The following IL1RAPL2 variants were observed in gnomAD, a reference collection of about 807,000 sequenced individuals.
The protein encoded by IL1RAPL2 is interleukin 1 receptor accessory protein like 2, also known as X-linked interleukin-1 receptor accessory protein-like 2.
IL1RAPL2 carries 3 observed loss-of-function variants against 44.1 expected under a neutral mutation model. The ratio of observed to expected loss-of-function variants is 0.07; its 90% CI spans 0.03 to 0.18. The LOEUF (loss-of-function observed/expected upper bound fraction) is 0.18. Ranked by LOEUF, IL1RAPL2 falls within the 10% of genes least tolerant of loss-of-function variation. IL1RAPL2 has a pLI of 1.00. For missense variants in IL1RAPL2, 391 were observed against 496.4 expected (o/e 0.79, Z 2.02); for synonymous variants, 181 against 178.8 (o/e 1.01, Z -0.10).
At chrX:105,343,719 A>G (rs1446504733) in intron 5 of IL1RAPL2, among the ~76,000 whole-genome samples, 1 of 111,947 alleles carries the variant, frequency 8.9e-6, no homozygotes, top group Non-Finnish European at 1.9e-5. Flanking sequence ...GAATTATATT[A>G]CAGTTTGATT....
chrX:105,321,307 G>T (rs976356093), intron 5 of IL1RAPL2, among the ~76,000 whole-genome samples: 1 of 111,578 alleles, frequency 9.0e-6, no homozygotes, highest in African/African-American at 3.3e-5. Context: ...AAATTTACTG[G>T]CCTAGGATCA....
At chrX:105,748,681 A>G (rs1003951810) in intron 8 of IL1RAPL2, among the ~76,000 whole-genome samples, 1 of 112,409 alleles carries the variant, frequency 8.9e-6, no homozygotes, top group African/African-American at 3.2e-5. Context: ...GAGCAAAAGC[A>G]TATATGTGAC....
At chrX:104,893,213 A>G (rs185028392) in intron 2 of IL1RAPL2, among the ~76,000 whole-genome samples, 9 of 111,835 alleles carry the variant, frequency 8.0e-5, no homozygotes, top group Non-Finnish European at 1.3e-4. Flanking sequence ...AGTTCCAACT[A>G]TTTGGTCAAT....
intron 6 of IL1RAPL2, among the ~76,000 whole-genome samples, chrX:105,537,186 A>G (rs942273224): frequency 4.5e-5 from 5 of 111,776 alleles, no homozygotes; most frequent in Non-Finnish European, 9.4e-5. Flanking sequence ...CTCTCATATG[A>G]TTTTATTTGG....
At chrX:105,333,652 T>A (rs150846053) in intron 5 of IL1RAPL2, among the ~76,000 whole-genome samples, 1,258 of 111,055 alleles carry the variant, frequency 0.011, 19 homozygotes, top group African/African-American at 0.039. Flanking sequence ...TATAACAAGT[T>A]CAAACAACTC....
intron 6 of IL1RAPL2, among the ~76,000 whole-genome samples, chrX:105,486,543 G>GATACCCTTACTGACT (rs2036267835): frequency 9.0e-6 from 1 of 110,744 alleles, no homozygotes; most frequent in African/African-American, 3.3e-5. Flanking sequence ...CTTACTGACT[G>GATACCCTTACTGACT]TATGATACAT....
At chrX:105,688,866 A>G (rs770922155) in intron 6 of IL1RAPL2, among the ~76,000 whole-genome samples, 16 of 111,920 alleles carry the variant, frequency 1.4e-4, no homozygotes, top group African/African-American at 5.2e-4. Context: ...TACTGGTACC[A>G]AAACAGATTT....
At chrX:104,729,318 T>A (rs1322936150) in intron 2 of IL1RAPL2, among the ~76,000 whole-genome samples, 1 of 110,751 alleles carries the variant, frequency 9.0e-6, no homozygotes, top group Non-Finnish European at 1.9e-5. Context: ...TAGGGCTTGA[T>A]CATCGTCCCA....
Position 104,694,000 on chromosome X carries a change from A to C in IL1RAPL2, c.82+35005A>C, listed in dbSNP as rs138262736. Among the ~76,000 whole-genome samples the C allele has an allele frequency of 4.3e-4, 48 of 111,506 alleles. No individual in the cohort carries two copies. The East Asian group carries it at 0.013, about 30-fold the overall frequency. On this transcript the variant is annotated intron_variant, in intron 2 of 10. Coordinates refer to ENST00000372582, the MANE Select transcript of IL1RAPL2 (RefSeq NM_017416.2). ...TTGCCTTTCATTTTTAATATCCCCA[A>C]CTGTTCTCACCCTGTTGGGGATAGC...
rs199705557 is a variant in IL1RAPL2, at chrX:104,941,083, T to C, written c.83-254392T>C. On this transcript the variant is annotated intron_variant, in intron 2 of 10. Transcript: ENST00000372582. ...ATCCATGGTGTATATGTGCCACATT[T>C]TCTTAATCCAGTCTATCATTGATGG... 1.5e-4 allele frequency among the ~76,000 whole-genome samples: 17 copies of C among 110,917 alleles called. No homozygotes were observed. The East Asian group carries it at 4.9e-3, about 32-fold the overall frequency.
chrX:104,908,890 T>C (rs1019673494), intron 2 of IL1RAPL2, among the ~76,000 whole-genome samples: 1 of 111,291 alleles, frequency 9.0e-6, no homozygotes, highest in Non-Finnish European at 1.9e-5. Flanking sequence ...AATGTTGGCC[T>C]GCCTTGCTAG....
chrX:105,115,398 G>A (rs1181778182), intron 2 of IL1RAPL2, among the ~76,000 whole-genome samples: 3 of 111,520 alleles, frequency 2.7e-5, no homozygotes, highest in Non-Finnish European at 3.8e-5. Context: ...ACATCCTGCT[G>A]ATTGGTCCAT....
At chrX:104,931,684 G>A (rs1924902496) in intron 2 of IL1RAPL2, among the ~76,000 whole-genome samples, 1 of 111,246 alleles carries the variant, frequency 9.0e-6, no homozygotes, top group Non-Finnish European at 1.9e-5. Flanking sequence ...TTTAATTTCA[G>A]GCATTATTTA....
intron 6 of IL1RAPL2, among the ~76,000 whole-genome samples, chrX:105,655,712 T>C (rs1195383354): frequency 8.9e-6 from 1 of 112,426 alleles, no homozygotes; most frequent in East Asian, 2.8e-4. Flanking sequence ...CTAAAAGTGA[T>C]ATTTTGTTGA....
rs190717194 is a variant in IL1RAPL2, at chrX:104,667,758, T to A, written c.82+8763T>A. On this transcript the variant is annotated intron_variant, in intron 2 of 10. Coordinates refer to ENST00000372582, the MANE Select transcript of IL1RAPL2 (RefSeq NM_017416.2). The stretch of plus-strand genomic sequence containing the variant: ...GTCCCCAACCATTAAGTGGAAAATT[T>A]AGGTTTCAGATGATCGACTGATTCC... 3.7e-4 allele frequency among the ~76,000 whole-genome samples: 41 copies of A among 111,679 alleles called. 1 individual carries two copies. In the South Asian group the frequency reaches 8.3e-3, roughly 23 times the overall value.
intron 2 of IL1RAPL2, among the ~76,000 whole-genome samples, chrX:104,727,557 A>G (rs1931820808): frequency 9.0e-6 from 1 of 111,627 alleles, no homozygotes; most frequent in South Asian, 3.7e-4. Context: ...TTGAACTGCC[A>G]TTTGATCCAG....
intron 5 of IL1RAPL2, among the ~76,000 whole-genome samples, chrX:105,334,116 C>T (rs1375667407): frequency 8.9e-6 from 1 of 112,060 alleles, no homozygotes; most frequent in African/African-American, 3.2e-5. Context: ...GAATTAGAAA[C>T]AGTATCTATC....
At chrX:104,921,563 G>T in intron 2 of IL1RAPL2, among the ~76,000 whole-genome samples, 1 of 112,343 alleles carries the variant, frequency 8.9e-6, no homozygotes, top group Non-Finnish European at 1.9e-5. Context: ...GAACAAATCC[G>T]CTGGCCTTGT....
rs531031427 is a variant in IL1RAPL2 at position 104,923,970 on chromosome X, A to G, written c.82+264975A>G. On this transcript the variant is annotated intron_variant, in intron 2 of 10. Transcript: ENST00000372582. The stretch of plus-strand genomic sequence containing the variant: ...AAGTAAAGAGATGGAAAAAATATAT[A>G]TTATGCAAATGGAAAACAAATGAGA... Among the ~76,000 whole-genome samples, 35 of 109,661 alleles carry G rather than the reference A, an allele frequency of 3.2e-4. No homozygotes were observed. In the South Asian group the frequency reaches 0.013, roughly 42 times the overall value.
Sources: gnomAD v4.1 joint callset for allele counts (sites outside exome capture counted in the v4.1 genomes callset) on GRCh38, gnomAD v4.1.1 for gene constraint, MANE v1.5 for transcripts, NCBI Gene and HGNC (gene_info 2026-07-23, HGNC 2026-07-21) for gene names.